KAT2B: variants seen among roughly 807,000 people sequenced by gnomAD.
KAT2B encodes the protein histone acetyltransferase KAT2B.
A neutral mutation model predicts 105.9 loss-of-function variants in KAT2B; 36 were observed. The observed-to-expected ratio is 0.34, with a 90% CI of 0.26 to 0.45. The LOEUF (loss-of-function observed/expected upper bound fraction) is 0.45. Among genes scored for constraint, KAT2B ranks in the 20% least tolerant of loss-of-function variants. The probability of loss-of-function intolerance (pLI) is 1.00; values close to 1 mark genes in which losing one functional copy is unlikely to be tolerated. For missense variants in KAT2B, 820 were observed against 1,021.6 expected (o/e 0.80, Z 2.69); for synonymous variants, 397 against 377.9 (o/e 1.05, Z -0.59).
intron 1 of KAT2B, among the ~76,000 whole-genome samples, chr3:20,049,176 G>A (rs1394654303): frequency 6.6e-6 from 1 of 152,064 alleles, no homozygotes; most frequent in Non-Finnish European, 1.5e-5. Flanking sequence ...CGCCTTAACT[G>A]CCTAGTTTCA....
chr3:20,118,069 C>T (rs961829624), intron 7 of KAT2B, among the ~76,000 whole-genome samples: 9 of 150,602 alleles, frequency 6.0e-5, no homozygotes, highest in Non-Finnish European at 8.9e-5. Context: ...ATTACCCTTT[C>T]TCTATCCCTT....
intron 5 of KAT2B, among the ~76,000 whole-genome samples, chr3:20,101,937 A>G (rs1698917993): frequency 6.6e-6 from 1 of 152,234 alleles, no homozygotes; most frequent in Non-Finnish European, 1.5e-5. Flanking sequence ...TCTATTGAAT[A>G]TAGTTGACTA....
intron 2 of KAT2B, among the ~76,000 whole-genome samples, chr3:20,078,282 T>A (rs1418335360): frequency 2.0e-5 from 3 of 152,202 alleles, no homozygotes; most frequent in Non-Finnish European, 2.9e-5. Flanking sequence ...GAATTTCTAT[T>A]GTTATTTTGG....
chr3:20,105,759 C>G (rs1698989519), intron 5 of KAT2B, among the ~76,000 whole-genome samples: 1 of 148,002 alleles, frequency 6.8e-6, no homozygotes, highest in South Asian at 2.1e-4. Flanking sequence ...CATGATCCTA[C>G]CACTGCACTC....
chr3:20,062,342 AAT>A (rs1559514640), intron 1 of KAT2B, among the ~76,000 whole-genome samples: 2 of 87,034 alleles, frequency 2.3e-5, no homozygotes, highest in African/African-American at 8.1e-5. Flanking sequence ...TATAAAATAT[AAT>A]ATATAATATA....
At chr3:20,074,107 A>G (rs192510317) in intron 2 of KAT2B, among the ~76,000 whole-genome samples, 3 of 152,294 alleles carry the variant, frequency 2.0e-5, no homozygotes, top group African/African-American at 4.8e-5. Context: ...AAAAAATCAC[A>G]TATCCTTTGA....
chr3:20,091,290 A>AT (rs1698714213), intron 2 of KAT2B, among the ~76,000 whole-genome samples: 3 of 152,172 alleles, frequency 2.0e-5, no homozygotes, highest in Non-Finnish European at 4.4e-5. Flanking sequence ...ATTTATTGAC[A>AT]TAACTGTTCA....
chr3:20,148,169 G>A (rs1699809877), intron 15 of KAT2B, 74 bp from the exon 16 acceptor site: 1 of 1,408,126 alleles, frequency 7.1e-7, no homozygotes, highest in South Asian at 1.2e-5. Context: ...TTGTAAGAAT[G>A]AGCTGAATAG....
At chr3:20,087,643 C>T (rs1203627175) in intron 2 of KAT2B, among the ~76,000 whole-genome samples, 1 of 152,140 alleles carries the variant, frequency 6.6e-6, no homozygotes, top group Non-Finnish European at 1.5e-5. Context: ...TACTCTGTGA[C>T]CAGCATCTCT....
intron 11 of KAT2B, among the ~76,000 whole-genome samples, chr3:20,130,069 C>T (rs751502884): frequency 6.6e-6 from 1 of 152,098 alleles, no homozygotes; most frequent in African/African-American, 2.4e-5. Context: ...CCTCCGCCTC[C>T]TGGGTTCAAG....
chr3:20,125,183 C>A (rs774546926), intron 9 of KAT2B, among the ~76,000 whole-genome samples: 1 of 151,700 alleles, frequency 6.6e-6, no homozygotes, highest in Non-Finnish European at 1.5e-5. Context: ...ATTAGCTGGG[C>A]GCCGTGGCAG....
intron 3 of KAT2B, among the ~76,000 whole-genome samples, chr3:20,096,626 C>A (rs963295368): frequency 1.3e-5 from 2 of 152,160 alleles, no homozygotes; most frequent in Non-Finnish European, 2.9e-5. Context: ...TAATAACTCT[C>A]CTTCAACTCA....
rs1008424594 is a variant in KAT2B, at chr3:20,111,620, A to G, written c.876A>G (p.Pro292=). The change falls in exon 6 of 18, where the codon CCA becomes CCG. Residue 292 remains proline (P), a synonymous_variant. Transcript: ENST00000263754. The stretch of plus-strand genomic sequence containing the variant: ...GGTGGCTGTGTTACTGCAACGTGCC[A>G]CAGTTCTGCGACAGTCTACCTCGGT... ...YTRWLCYCNV[P]QFCDSLPRYE... 1 of 1,612,186 alleles carries G rather than the reference A, an allele frequency of 6.2e-7. No individual in the cohort carries two copies. The highest frequency in any genetic ancestry group is 8.5e-7 in the Non-Finnish European group (1 of 1,179,250).
At position 20,106,774 on chromosome 3, in the gene KAT2B, G is replaced by A. The variant is rs527738376; in HGVS notation, c.852-4822G>A. On this transcript the variant is annotated intron_variant, in intron 5 of 17. Coordinates refer to ENST00000263754, the MANE Select transcript of KAT2B (RefSeq NM_003884.5). The stretch of plus-strand genomic sequence containing the variant: ...CTATCATCTTTGTATCAGAAATAAT[G>A]TCAGTCTTAGAGCCTTAGACGTTTG... Among the ~76,000 whole-genome samples the A allele has an allele frequency of 1.3e-3, 197 of 151,082 alleles. 1 individual carries two copies. The highest frequency in any genetic ancestry group is 4.7e-3 in the African/African-American group (192 of 41,202).
chr3:20,119,912 C>G (rs1027540130), intron 8 of KAT2B, among the ~76,000 whole-genome samples, 189 bp downstream of exon 8: 1 of 152,314 alleles, frequency 6.6e-6, no homozygotes, highest in South Asian at 2.1e-4. Context: ...ACTGTAATAA[C>G]TTATTGTCAT....
chr3:20,071,322 G>C (rs1298360190), intron 1 of KAT2B, among the ~76,000 whole-genome samples: 6 of 152,188 alleles, frequency 3.9e-5, no homozygotes, highest in Admixed American at 1.3e-4. Flanking sequence ...GACTTCATCT[G>C]TGTTACATGT....
intron 1 of KAT2B, among the ~76,000 whole-genome samples, chr3:20,062,111 T>TA (rs1559514104): frequency 7.6e-5 from 4 of 52,772 alleles, no homozygotes; most frequent in Admixed American, 2.8e-4. Flanking sequence ...ATAATATATA[T>TA]TATATAAAAC....
At chr3:20,086,094 A>T (rs1286265960) in intron 2 of KAT2B, among the ~76,000 whole-genome samples, 1 of 151,856 alleles carries the variant, frequency 6.6e-6, no homozygotes, top group Non-Finnish European at 1.5e-5. Context: ...AACATGGTGA[A>T]ACCCCATCTC....
At chr3:20,142,251 T>C (rs1304144615) in intron 13 of KAT2B, among the ~76,000 whole-genome samples, 1 of 152,052 alleles carries the variant, frequency 6.6e-6, no homozygotes, top group Non-Finnish European at 1.5e-5. Context: ...CCCCATTCTT[T>C]TTTCTCCTCT....
Sources: gnomAD v4.1 joint callset for allele counts (sites outside exome capture counted in the v4.1 genomes callset) on GRCh38, gnomAD v4.1.1 for gene constraint, MANE v1.5 for transcripts, NCBI Gene and HGNC (gene_info 2026-07-23, HGNC 2026-07-21) for gene names.